The following SYN3 variants were observed in gnomAD, a reference collection of about 807,000 sequenced individuals.
SYN3 encodes synapsin-3.
SYN3 carries 35 observed loss-of-function variants against 65.8 expected under a neutral mutation model. The observed-to-expected ratio is 0.53, with a 90% confidence interval of 0.41 to 0.70. SYN3 has a LOEUF of 0.70. SYN3 is among the 30% of genes least tolerant of loss of function. The pLI is 0.00. For missense variants in SYN3, 680 were observed against 749.0 expected (o/e 0.91, Z 1.08); for synonymous variants, 270 against 292.9 (o/e 0.92, Z 0.80).
intron 3 of SYN3, among the ~76,000 whole-genome samples, chr22:32,965,163 T>A (rs999742335): frequency 6.6e-6 from 1 of 152,176 alleles, no homozygotes; most frequent in East Asian, 1.9e-4. Flanking sequence ...GAAAATTAAA[T>A]GTATACAGAT....
At chr22:32,972,695 G>A (rs1055913910) in intron 3 of SYN3, among the ~76,000 whole-genome samples, 2 of 152,162 alleles carry the variant, frequency 1.3e-5, no homozygotes, top group African/African-American at 4.8e-5. Context: ...TGTAGCCTCA[G>A]TGGAAGCACA....
chr22:32,898,685 T>C (rs1020978444), intron 4 of SYN3, among the ~76,000 whole-genome samples: 5 of 152,332 alleles, frequency 3.3e-5, no homozygotes, highest in Admixed American at 1.3e-4. Flanking sequence ...TGTGTGTGCA[T>C]GTCTTGGGGA....
chr22:32,801,350 A>G lies in SYN3; in HGVS notation c.711+63565T>C, dbSNP rs2046568642. Among the ~76,000 whole-genome samples, 1 of 152,068 alleles carries G rather than the reference A, an allele frequency of 6.6e-6. No homozygotes were observed. The highest frequency in any genetic ancestry group is 2.4e-5 in the African/African-American group (1 of 41,434). ...GGTCCTGCTGGGGTGGGTGGGTGTTAGTTGGTTCTGGTTTGGGTCAGAGAC... is the reference window on the plus strand; with the variant it reads ...GGTCCTGCTGGGGTGGGTGGGTGTTGGTTGGTTCTGGTTTGGGTCAGAGAC... On this transcript the variant is annotated intron_variant, in intron 6 of 13. Coordinates refer to ENST00000358763, the MANE Select transcript of SYN3 (RefSeq NM_003490.4). This position sits in a 1 kb window ranked among gnomAD's most constrained non-coding sequence, Gnocchi z 4.7.
At chr22:32,521,289 G>A (rs534497302) in intron 12 of SYN3, among the ~76,000 whole-genome samples, 7 of 152,212 alleles carry the variant, frequency 4.6e-5, no homozygotes, top group Non-Finnish European at 7.4e-5. Context: ...GGAGGCAAAC[G>A]CAGGAGCCCC....
intron 6 of SYN3, among the ~76,000 whole-genome samples, chr22:32,710,099 A>ACACATG (rs1555931598): frequency 2.4e-4 from 16 of 65,628 alleles, no homozygotes; most frequent in Non-Finnish European, 2.9e-4. Flanking sequence ...ACACACACAC[A>ACACATG]TGTGTGTGTG....
In SYN3 at chr22:32,513,707, G is replaced by A. The variant is rs750615902; in HGVS notation, c.1728C>T (p.Ser576=). 210 of 1,614,072 alleles carry A rather than the reference G, an allele frequency of 1.3e-4. No individual in the cohort carries two copies. Among genetic ancestry groups the A allele is most frequent in the Non-Finnish European group, 1.6e-4 (189 of 1,180,044 alleles). ...TIRNLRKSFA[S]LFSD ...CTGGATGGCGTTAGTCAGAGAACAG[G>A]CTGGCAAAAGACTTCCTCAGGTTGC... The change falls in exon 14 of 14, where the codon AGC becomes AGT. Residue 576 remains serine, a synonymous_variant. Transcript: ENST00000358763.
chr22:32,947,891 G>C (rs1376495527), intron 3 of SYN3, among the ~76,000 whole-genome samples: 1 of 152,170 alleles, frequency 6.6e-6, no homozygotes, highest in African/African-American at 2.4e-5. Flanking sequence ...TCAAGGTGTT[G>C]GCCAGCTGGG....
At chr22:32,579,290 C>T (rs1276552381) in intron 7 of SYN3, among the ~76,000 whole-genome samples, 1 of 152,214 alleles carries the variant, frequency 6.6e-6, no homozygotes, top group East Asian at 1.9e-4. Flanking sequence ...GCTGCCATAA[C>T]AAAATATCTT....
chr22:32,969,316 T>C lies in SYN3; in HGVS notation c.369+11329A>G, dbSNP rs533930440. 3.1e-3 allele frequency among the ~76,000 whole-genome samples: 473 copies of C among 152,304 alleles called. 3 individuals are homozygous for C. The highest frequency in any genetic ancestry group is 0.025 in the South Asian group (122 of 4,820). ...CATGCAACGGGCAACACAGTCCATG[T>C]TGTGTTCAGAATCAGCGGGGCTCAT... On this transcript the variant is annotated intron_variant, in intron 3 of 13. Coordinates refer to ENST00000358763, the MANE Select transcript of SYN3 (RefSeq NM_003490.4).
chr22:32,756,743 T>C (rs1180342862), intron 6 of SYN3, among the ~76,000 whole-genome samples: 1 of 152,188 alleles, frequency 6.6e-6, no homozygotes, highest in Non-Finnish European at 1.5e-5. Context: ...CCTTCCACCA[T>C]GAGTAGAAGC....
At chr22:32,771,891 A>G (rs2045781214) in intron 6 of SYN3, among the ~76,000 whole-genome samples, 1 of 152,198 alleles carries the variant, frequency 6.6e-6, no homozygotes, top group South Asian at 2.1e-4. Context: ...AACGGTCAAA[A>G]TTAGAAAGGG....
At chr22:33,003,870 T>A (rs1326073782) in intron 2 of SYN3, among the ~76,000 whole-genome samples, 1 of 152,086 alleles carries the variant, frequency 6.6e-6, no homozygotes, top group Non-Finnish European at 1.5e-5. Context: ...GGAAGAATGG[T>A]TTCATAGGCT....
intron 2 of SYN3, among the ~76,000 whole-genome samples, chr22:32,987,888 C>CA (rs1359672366): frequency 2.6e-5 from 4 of 152,104 alleles, no homozygotes; most frequent in African/African-American, 7.2e-5. Context: ...ATTGAAAAGA[C>CA]AAAAAATAAA....
Position 32,600,140 on chromosome 22 carries a change from T to C in SYN3, c.712-3404A>G, listed in dbSNP as rs2059260821. ...GATGAAATAATTACACAACTCACCA[T>C]AATGTAGGATTAGTGGGAGCCCTGA... On this transcript the variant is annotated intron_variant, in intron 6 of 13. Transcript: ENST00000358763. Among the ~76,000 whole-genome samples, 3 of 152,188 alleles carry C rather than the reference T, an allele frequency of 2.0e-5. 1 individual carries two copies. Among genetic ancestry groups the C allele is most frequent in the Admixed American group, 2.0e-4 (3 of 15,272 alleles).
intron 6 of SYN3, among the ~76,000 whole-genome samples, chr22:32,799,643 A>G (rs1325266544): frequency 6.6e-6 from 1 of 152,192 alleles, no homozygotes; most frequent in Non-Finnish European, 1.5e-5. Context: ...AACCTTCCAC[A>G]TGACTGTGGA....
At chr22:32,657,364 C>G (rs1477743585) in intron 6 of SYN3, among the ~76,000 whole-genome samples, 1 of 151,862 alleles carries the variant, frequency 6.6e-6, no homozygotes, top group Admixed American at 6.6e-5. Context: ...ACATTGTGAT[C>G]CACCCTCCTC....
intron 6 of SYN3, among the ~76,000 whole-genome samples, chr22:32,746,590 C>T (rs570511722): frequency 6.6e-6 from 1 of 152,174 alleles, no homozygotes. Flanking sequence ...TCTCAGATGT[C>T]CCTTCCTCCA....
intron 4 of SYN3, among the ~76,000 whole-genome samples, chr22:32,917,435 T>G (rs944963731): frequency 6.6e-6 from 1 of 152,126 alleles, no homozygotes; most frequent in Non-Finnish European, 1.5e-5. Context: ...TGAGAAGTAC[T>G]GGGTACCCAA....
At chr22:32,979,720 A>G (rs1276441655) in intron 3 of SYN3, among the ~76,000 whole-genome samples, 1 of 152,198 alleles carries the variant, frequency 6.6e-6, no homozygotes, top group South Asian at 2.1e-4. Context: ...GTACTGTTCA[A>G]GCACTTTTCA....
Sources: gnomAD v4.1 joint callset for allele counts (sites outside exome capture counted in the v4.1 genomes callset) on GRCh38, gnomAD v4.1.1 for gene constraint, Gnocchi (gnomAD v3.1) non-coding constraint, MANE v1.5 for transcripts, NCBI Gene and HGNC (gene_info 2026-07-23, HGNC 2026-07-21) for gene names.